The following ATE1 variants were observed in gnomAD, a reference collection of about 807,000 sequenced individuals.
ATE1 encodes the protein arginyltransferase 1.
In ATE1, 36 loss-of-function variants were observed where a neutral mutation model predicts 70.5. The ratio of observed to expected loss-of-function variants is 0.51; its 90% CI spans 0.39 to 0.67. ATE1 has a LOEUF of 0.67. ATE1 is among the 30% of genes least tolerant of loss of function. The pLI is 0.00. For synonymous variants in ATE1, 232 were observed against 219.3 expected (o/e 1.06, Z -0.51); for missense variants, 593 against 629.5 (o/e 0.94, Z 0.62).
At chr10:121,900,757 C>T (rs151013820) in intron 6 of ATE1, among the ~76,000 whole-genome samples, 107 of 152,278 alleles carry the variant, frequency 7.0e-4, no homozygotes, top group African/African-American at 2.5e-3. Flanking sequence ...GGTAAAAGAT[C>T]TCTATACATC....
At position 121,753,421 on chromosome 10, in the gene ATE1, T is replaced by A. The variant is rs1944667688; in HGVS notation, c.1379-9563A>T. ...ACAACATTGGCTCCCAAAAGTCACA[T>A]AACAAAATATAAATTATATAATTTA... On this transcript the variant is annotated intron_variant, in intron 11 of 11. Coordinates refer to ENST00000224652, the MANE Select transcript of ATE1 (RefSeq NM_001001976.3). 2.0e-5 allele frequency among the ~76,000 whole-genome samples: 3 copies of A among 152,156 alleles called. No individual in the cohort carries two copies. In the South Asian group the frequency reaches 6.2e-4, roughly 31 times the overall value.
intron 5 of ATE1, 50 bp downstream of exon 5, chr10:121,910,856 A>T (rs777531006): frequency 2.5e-6 from 4 of 1,610,848 alleles, no homozygotes; most frequent in Non-Finnish European, 3.4e-6. Flanking sequence ...AAAATGACTC[A>T]GCAAAAAGCA....
At chr10:121,927,219 G>A in intron 1 of ATE1, 2 of 985,386 alleles carry the variant, frequency 2.0e-6, no homozygotes, top group Non-Finnish European at 1.2e-6. Context: ...CTGTCGTCCG[G>A]GTGGGTGGAG....
chr10:121,790,905 T>C (rs1218416435), intron 10 of ATE1, among the ~76,000 whole-genome samples: 2 of 151,762 alleles, frequency 1.3e-5, no homozygotes, highest in African/African-American at 4.8e-5. Context: ...TCTTCAAAAA[T>C]CCCACTTAAA....
At position 121,928,028 on chromosome 10, in the gene ATE1, C is replaced by A; in HGVS notation, c.-79G>T. 1 of 1,282,304 alleles carries A rather than the reference C, an allele frequency of 7.8e-7. No homozygotes were observed. Among genetic ancestry groups the A allele is most frequent in the Non-Finnish European group, 9.9e-7 (1 of 1,013,414 alleles). 79.4% of individuals were successfully genotyped at this position (1,282,304 alleles called of 1,614,324 possible). ...GCCGCCGCCACCCCACAATGCAGCG[C>A]GCCGCCCGGGAGCCTCCCGAGGCTC... On this transcript the variant is annotated 5_prime_UTR_variant, in exon 1 of 12. Coordinates refer to ENST00000224652, the MANE Select transcript of ATE1 (RefSeq NM_001001976.3).
chr10:121,777,173 T>C (rs1945782242), intron 11 of ATE1, among the ~76,000 whole-genome samples: 1 of 152,354 alleles, frequency 6.6e-6, no homozygotes, highest in Non-Finnish European at 1.5e-5. Context: ...ACAAAGCTAA[T>C]GACTGGCGGG....
intron 1 of ATE1, among the ~76,000 whole-genome samples, chr10:121,925,744 T>G (rs1952064073): frequency 6.6e-6 from 1 of 152,018 alleles, no homozygotes; most frequent in Non-Finnish European, 1.5e-5. Flanking sequence ...TAATCAGGTT[T>G]TGTGGCCTGT....
At chr10:121,886,294 T>TA (rs34248913) in intron 7 of ATE1, among the ~76,000 whole-genome samples, 45,188 of 145,336 alleles carry the variant, frequency 0.31, 7,095 homozygotes, top group South Asian at 0.44. Flanking sequence ...ATTGATGATT[T>TA]AAAAAAAAAA....
chr10:121,815,759 C>A (rs1293060894), intron 10 of ATE1, among the ~76,000 whole-genome samples: 1 of 152,190 alleles, frequency 6.6e-6, no homozygotes, highest in East Asian at 1.9e-4. Flanking sequence ...AGCGCTGCAA[C>A]CGTAATGCCC....
intron 11 of ATE1, among the ~76,000 whole-genome samples, chr10:121,747,538 TG>T (rs1944419263): frequency 6.6e-6 from 1 of 152,204 alleles, no homozygotes; most frequent in African/African-American, 2.4e-5. Flanking sequence ...CCCTGACCCC[TG>T]GGCCCCCTTT....
intron 7 of ATE1, among the ~76,000 whole-genome samples, chr10:121,876,283 G>C (rs1950045595): frequency 6.6e-6 from 1 of 152,138 alleles, no homozygotes; most frequent in Admixed American, 6.5e-5. Flanking sequence ...TAAATGTTTT[G>C]CTCTAAATGT....
In ATE1 at chr10:121,809,598, C is replaced by T. The variant is rs372985274; in HGVS notation, c.1258-19309G>A. 1.6e-4 allele frequency among the ~76,000 whole-genome samples: 24 copies of T among 152,166 alleles called. No individual in the cohort carries two copies. In the South Asian group the frequency reaches 3.7e-3, roughly 24 times the overall value. On this transcript the variant is annotated intron_variant, in intron 10 of 11. Coordinates refer to ENST00000224652, the MANE Select transcript of ATE1 (RefSeq NM_001001976.3). ...TTCCATGCCTTGATTCGTGCTAAGA[C>T]GCTAGCAGTTTTCCATCACAGTTGC... is the stretch of plus-strand genomic sequence containing the variant.
chr10:121,747,917 C>T (rs754060669), intron 11 of ATE1, among the ~76,000 whole-genome samples: 7 of 152,134 alleles, frequency 4.6e-5, no homozygotes, highest in Admixed American at 2.6e-4. Flanking sequence ...AATGTGTGCA[C>T]ATTGCAACAT....
At chr10:121,839,421 T>G (rs1481019930) in intron 9 of ATE1, among the ~76,000 whole-genome samples, 1 of 152,126 alleles carries the variant, frequency 6.6e-6, no homozygotes, top group Non-Finnish European at 1.5e-5. Context: ...CATTGTGAAG[T>G]GATAATACAA....
At chr10:121,909,427 T>C (rs553496837) in intron 5 of ATE1, among the ~76,000 whole-genome samples, 108 of 152,310 alleles carry the variant, frequency 7.1e-4, no homozygotes, top group Middle Eastern at 3.4e-3. Context: ...AATAATGGTA[T>C]TGTGAATATT....
At chr10:121,818,251 C>A (rs1347971645) in intron 10 of ATE1, among the ~76,000 whole-genome samples, 1 of 68,890 alleles carries the variant, frequency 1.5e-5, no homozygotes, top group Non-Finnish European at 2.5e-5. Context: ...AGCCAGACTC[C>A]ATCTCAAAAA....
intron 10 of ATE1, among the ~76,000 whole-genome samples, chr10:121,813,126 T>C (rs1753869833): frequency 6.6e-6 from 1 of 152,238 alleles, no homozygotes; most frequent in South Asian, 2.1e-4. Context: ...AATGTTTTTA[T>C]GTAGCCATTT....
intron 10 of ATE1, among the ~76,000 whole-genome samples, chr10:121,812,844 G>C (rs1018680755): frequency 5.3e-5 from 8 of 152,134 alleles, no homozygotes; most frequent in Non-Finnish European, 1.5e-5. Flanking sequence ...CAAAAGTAAT[G>C]ATTAGCTATC....
At chr10:121,827,486 C>T (rs1468231853) in intron 10 of ATE1, among the ~76,000 whole-genome samples, 1 of 152,194 alleles carries the variant, frequency 6.6e-6, no homozygotes, top group East Asian at 1.9e-4. Context: ...ACCCCTCCCG[C>T]TTCAGCAGGA....
Sources: gnomAD v4.1 joint callset for allele counts (sites outside exome capture counted in the v4.1 genomes callset) on GRCh38, gnomAD v4.1.1 for gene constraint, MANE v1.5 for transcripts, NCBI Gene and HGNC (gene_info 2026-07-23, HGNC 2026-07-21) for gene names.